Variants in ALOX5 observed in about 807,000 individuals in gnomAD.
The protein encoded by ALOX5 is polyunsaturated fatty acid 5-lipoxygenase.
A neutral mutation model predicts 87.9 loss-of-function variants in ALOX5; 64 were observed. That is an observed-to-expected ratio of 0.73 (90% CI 0.60 to 0.90). The LOEUF (loss-of-function observed/expected upper bound fraction) is 0.90. Among genes scored for constraint, ALOX5 ranks in the 40% least tolerant of loss-of-function variants. The probability of loss-of-function intolerance (pLI) is 0.00; values close to 1 mark genes in which losing one functional copy is unlikely to be tolerated. For synonymous variants in ALOX5, 388 were observed against 355.1 expected, an observed-to-expected ratio of 1.09 and a Z score of -1.04; for missense variants, 822 against 907.5, an observed-to-expected ratio of 0.91 and a Z score of 1.21.
intron 3 of ALOX5, among the ~76,000 whole-genome samples, chr10:45,411,619 C>A (rs561340871): frequency 1.3e-5 from 2 of 152,324 alleles, no homozygotes; most frequent in Admixed American, 6.5e-5. Context: ...CTGCTATTGG[C>A]CAGCAGGTGA....
At chr10:45,405,744 T>G (rs1465887955) in intron 3 of ALOX5, among the ~76,000 whole-genome samples, 3 of 151,812 alleles carry the variant, frequency 2.0e-5, no homozygotes, top group African/African-American at 7.3e-5. Context: ...TCTACCTTTT[T>G]TTTTTTTTTT....
chr10:45,428,649 T>C lies in ALOX5; in HGVS notation c.866T>C (p.Leu289Pro). 6.2e-7 allele frequency: 1 copy of C among 1,614,156 alleles called. No homozygotes were observed. Among genetic ancestry groups the C allele is most frequent in the Non-Finnish European group, 8.5e-7 (1 of 1,180,030 alleles). ...AACATTTTCATCGTGGACTTTGAGC[T>C]GCTGGATGGCATCGATGCCAACAAA... Reference protein sequence around the residue: ...QGNIFIVDFELLDGIDANKTD... With the variant: ...QGNIFIVDFEPLDGIDANKTD... Residue 289 changes from leucine to proline, a missense_variant, in exon 7 of 14, where the codon CTG becomes CCG. Leu to Pro is a moderately conservative substitution (Grantham distance 98). Coordinates refer to ENST00000374391, the MANE Select transcript of ALOX5 (RefSeq NM_000698.5).
At chr10:45,406,743 T>G (rs1027143354) in intron 3 of ALOX5, among the ~76,000 whole-genome samples, 20 of 152,242 alleles carry the variant, frequency 1.3e-4, no homozygotes, top group African/African-American at 4.6e-4. Flanking sequence ...TCTAATCACT[T>G]GTTTTTGTTT....
chr10:45,432,372 AAAAAAG>A (rs1841933622), intron 7 of ALOX5, among the ~76,000 whole-genome samples: 1 of 151,722 alleles, frequency 6.6e-6, no homozygotes, highest in Non-Finnish European at 1.5e-5. Context: ...AAAAAAAAAA[AAAAAAG>A]TAAAAGAAAA....
At chr10:45,377,225 C>T (rs983019867) in intron 1 of ALOX5, among the ~76,000 whole-genome samples, 2 of 152,116 alleles carry the variant, frequency 1.3e-5, no homozygotes, top group Admixed American at 1.3e-4. Context: ...TAGAATACCT[C>T]CTTCTTGTGA....
intron 7 of ALOX5, among the ~76,000 whole-genome samples, chr10:45,431,641 C>T (rs1187741007): frequency 6.6e-6 from 1 of 151,860 alleles, no homozygotes; most frequent in African/African-American, 2.4e-5. Context: ...GGCGTGATCT[C>T]GGCTCACTGC....
chr10:45,411,281 T>C (rs1841055385), intron 3 of ALOX5, among the ~76,000 whole-genome samples: 1 of 152,282 alleles, frequency 6.6e-6, no homozygotes, highest in East Asian at 1.9e-4. Flanking sequence ...CAGCAAGGTC[T>C]TTCTGCCCTG....
chr10:45,375,981 C>G (rs1839594107), intron 1 of ALOX5, among the ~76,000 whole-genome samples: 1 of 152,212 alleles, frequency 6.6e-6, no homozygotes, highest in South Asian at 2.1e-4. Context: ...GGACAGGGTA[C>G]AGGCTACTTC....
chr10:45,443,636 G>C (rs1397234182), intron 11 of ALOX5, 92 bp from the exon 12 acceptor site: 10 of 1,551,128 alleles, frequency 6.4e-6, no homozygotes, highest in Non-Finnish European at 8.8e-6. Flanking sequence ...GGTGCCCTCC[G>C]GCCTTGGGGC....
At chr10:45,381,810 G>A (rs575811153) in intron 1 of ALOX5, among the ~76,000 whole-genome samples, 276 of 152,346 alleles carry the variant, frequency 1.8e-3, no homozygotes, top group Non-Finnish European at 3.2e-3. Flanking sequence ...TGCCTGGGTC[G>A]TAGCACTGAG....
rs1346888218 is a variant in ALOX5 at position 45,425,140 on chromosome 10, T to C, written c.834+8T>C. The C allele has an allele frequency of 2.5e-6, 4 of 1,610,888 alleles. No homozygotes were observed. The highest frequency in any genetic ancestry group is 4.5e-5 in the East Asian group (2 of 44,786). On this transcript the variant is annotated splice_region_variant and intron_variant, in intron 6 of 13. Transcript: ENST00000374391. The surrounding 1 kb of genome is among the most constrained non-coding windows in gnomAD (Gnocchi z 4.4). ...TTGGAGCAGGAGGTCCAGGTAGGGG[T>C]TGATGGGCTGGGGAAGTGGCCAAGG...
intron 3 of ALOX5, among the ~76,000 whole-genome samples, chr10:45,411,660 G>A (rs914690325): frequency 4.6e-5 from 7 of 152,140 alleles, no homozygotes; most frequent in African/African-American, 7.2e-5. Flanking sequence ...ATCTGTGCCT[G>A]GGTCCCTCTC....
intron 2 of ALOX5, among the ~76,000 whole-genome samples, chr10:45,394,595 A>T (rs1840429856): frequency 6.6e-6 from 1 of 152,242 alleles, no homozygotes; most frequent in African/African-American, 2.4e-5. Flanking sequence ...AAAAGCCAAA[A>T]TGGACAAATG....
intron 5 of ALOX5, among the ~76,000 whole-genome samples, chr10:45,424,438 C>A (rs925902999): frequency 2.6e-5 from 4 of 152,184 alleles, no homozygotes; most frequent in Non-Finnish European, 5.9e-5. Context: ...TGGCACAAAT[C>A]AATCATTTGT....
chr10:45,409,552 GCTT>G (rs1840995285), intron 3 of ALOX5, among the ~76,000 whole-genome samples: 2 of 92,924 alleles, frequency 2.2e-5, no homozygotes, highest in South Asian at 3.9e-4. Flanking sequence ...TGTCTCTCTT[GCTT>G]TCTCTCTCTC....
intron 3 of ALOX5, among the ~76,000 whole-genome samples, chr10:45,398,803 C>T (rs191006548): frequency 3.9e-5 from 6 of 152,210 alleles, no homozygotes; most frequent in East Asian, 1.9e-4. Context: ...TAAAAAAATC[C>T]GACAAGAACA....
intron 1 of ALOX5, among the ~76,000 whole-genome samples, chr10:45,378,999 C>T (rs906203570): frequency 6.6e-6 from 1 of 152,112 alleles, no homozygotes; most frequent in Non-Finnish European, 1.5e-5. Context: ...GGCAGGGGGC[C>T]AGGAGTGTCC....
intron 2 of ALOX5, among the ~76,000 whole-genome samples, chr10:45,385,516 T>G (rs1231255931): frequency 6.6e-6 from 1 of 152,224 alleles, no homozygotes; most frequent in Non-Finnish European, 1.5e-5. Flanking sequence ...TATTCTCTTT[T>G]TGAAACTTGG....
chr10:45,415,981 T>C (rs1239690714), intron 4 of ALOX5, among the ~76,000 whole-genome samples: 2 of 152,184 alleles, frequency 1.3e-5, no homozygotes, highest in Non-Finnish European at 2.9e-5. Context: ...TGAGGAGCAT[T>C]AGCACCTGCT....
Sources: gnomAD v4.1 joint callset for allele counts (sites outside exome capture counted in the v4.1 genomes callset) on GRCh38, gnomAD v4.1.1 for gene constraint, Gnocchi (gnomAD v3.1) non-coding constraint, MANE v1.5 for transcripts, NCBI Gene and HGNC (gene_info 2026-07-23, HGNC 2026-07-21) for gene names.